Variants in LARGE1 observed in about 807,000 individuals in gnomAD.
LARGE1 encodes the protein xylosyl- and glucuronyltransferase LARGE1.
Under a neutral mutation model 87.6 loss-of-function variants are expected in LARGE1, and 43 were observed. The observed-to-expected ratio is 0.49, with a 90% confidence interval of 0.38 to 0.63. The LOEUF (loss-of-function observed/expected upper bound fraction) is 0.63, where lower values mean the gene tolerates loss of function less well. Among genes scored for constraint, LARGE1 ranks in the 30% least tolerant of loss-of-function variants. The pLI, the probability that LARGE1 is intolerant of heterozygous loss-of-function variation, is 0.00. For missense variants in LARGE1, 802 were observed against 1,000.2 expected (o/e 0.80, Z 2.67); for synonymous variants, 434 against 394.6 (o/e 1.10, Z -1.18).
intron 5 of LARGE1, among the ~76,000 whole-genome samples, chr22:33,572,588 G>T (rs544090236): frequency 6.6e-6 from 1 of 152,204 alleles, no homozygotes; most frequent in Non-Finnish European, 1.5e-5. Flanking sequence ...ATCAGGGCTC[G>T]ATATGAGTGT....
chr22:33,876,692 T>TA (rs2064477778), intron 1 of LARGE1, among the ~76,000 whole-genome samples: 1 of 151,616 alleles, frequency 6.6e-6, no homozygotes, highest in Admixed American at 6.6e-5. Context: ...TTAGGACAAA[T>TA]ACCTAATGCA....
chr22:33,124,751 C>T, the LARGE1 span, among the ~76,000 whole-genome samples: 1 of 152,186 alleles, frequency 6.6e-6, no homozygotes, highest in Admixed American at 6.5e-5. Context: ...CCTGTGATCC[C>T]AGCCCTTTGG....
At chr22:33,802,646 A>G (rs951144859) in intron 1 of LARGE1, among the ~76,000 whole-genome samples, 7 of 152,102 alleles carry the variant, frequency 4.6e-5, no homozygotes, top group Non-Finnish European at 8.8e-5. Context: ...AGTAACTCTT[A>G]TTTGTCACCC....
At chr22:33,096,226 G>A in the LARGE1 span, among the ~76,000 whole-genome samples, 2 of 152,016 alleles carry the variant, frequency 1.3e-5, no homozygotes, top group African/African-American at 4.8e-5. Flanking sequence ...GACCAGCCTG[G>A]CCAACATGGT....
intron 2 of LARGE1, among the ~76,000 whole-genome samples, chr22:33,709,678 T>G (rs1042875121): frequency 8.7e-5 from 13 of 150,258 alleles, no homozygotes; most frequent in East Asian, 3.9e-4. Context: ...CAGGCTGGAG[T>G]GCAGTGGCGC....
intron 2 of LARGE1, among the ~76,000 whole-genome samples, chr22:33,730,079 G>A (rs1332699383): frequency 6.6e-6 from 1 of 152,090 alleles, no homozygotes; most frequent in Non-Finnish European, 1.5e-5. Flanking sequence ...TAAAGTGCAT[G>A]AGTCCACAAA....
intron 6 of LARGE1, among the ~76,000 whole-genome samples, chr22:33,461,778 T>C (rs1213031381): frequency 6.6e-6 from 1 of 152,018 alleles, no homozygotes; most frequent in Non-Finnish European, 1.5e-5. Flanking sequence ...TTACTCTCTT[T>C]GGGAGAAGCC....
At chr22:33,334,438 C>T (rs943104457) in intron 10 of LARGE1, among the ~76,000 whole-genome samples, 9 of 145,154 alleles carry the variant, frequency 6.2e-5, no homozygotes, top group Admixed American at 2.7e-4. Flanking sequence ...AAAAAAAACA[C>T]CAAACAAAAA....
At chr22:33,146,785 T>A in the LARGE1 span, among the ~76,000 whole-genome samples, 1 of 151,974 alleles carries the variant, frequency 6.6e-6, no homozygotes, top group Non-Finnish European at 1.5e-5. Flanking sequence ...AATGCAAAAA[T>A]CTAAAGAGTG....
chr22:33,293,199 T>C (rs552327073), intron 12 of LARGE1, among the ~76,000 whole-genome samples: 3 of 152,352 alleles, frequency 2.0e-5, no homozygotes, highest in African/African-American at 7.2e-5. Context: ...CATATAGGAT[T>C]GGAGAAACTG....
At chr22:33,383,291 G>A (rs934763469) in intron 8 of LARGE1, among the ~76,000 whole-genome samples, 3 of 152,190 alleles carry the variant, frequency 2.0e-5, no homozygotes, top group African/African-American at 7.2e-5. Flanking sequence ...TGGGTGCAGA[G>A]ACTCATGCCT....
intron 1 of LARGE1, among the ~76,000 whole-genome samples, chr22:33,767,357 G>T (rs1487141277): frequency 6.6e-6 from 1 of 151,128 alleles, no homozygotes; most frequent in Non-Finnish European, 1.5e-5. Flanking sequence ...TGATCTCTAT[G>T]TCTTAATTAT....
rs114054025 is a variant in LARGE1, at chr22:33,879,999, T to A, written c.-83+39996A>T. ...TTCTGAATTCTGATGTTCTTCCCCATGGGTGGCTTCTCCACCAATCTGCTT... is the reference window on the plus strand; with the variant it reads ...TTCTGAATTCTGATGTTCTTCCCCAAGGGTGGCTTCTCCACCAATCTGCTT... On this transcript the variant is annotated intron_variant, in intron 1 of 14. Transcript: ENST00000397394. Among the ~76,000 whole-genome samples the A allele has an allele frequency of 9.8e-3, 1,497 of 152,352 alleles. 13 individuals carry two copies. The highest frequency in any genetic ancestry group is 0.048 in the Middle Eastern group (14 of 294).
intron 1 of LARGE1, among the ~76,000 whole-genome samples, chr22:33,872,359 CTATTATTATTAT>C (rs3072360): frequency 0.018 from 2,557 of 142,754 alleles, 27 homozygotes; most frequent in African/African-American, 0.035. Context: ...TAAATGCTAT[CTATTATTATTAT>C]TATTATTATT....
intron 5 of LARGE1, among the ~76,000 whole-genome samples, chr22:33,582,802 T>A (rs1226602072): frequency 2.6e-5 from 4 of 152,194 alleles, no homozygotes; most frequent in Admixed American, 1.3e-4. Context: ...AAATGTTAAC[T>A]TCATTAGGTC....
chr22:33,426,021 C>T (rs971571739), intron 7 of LARGE1, among the ~76,000 whole-genome samples: 4 of 152,154 alleles, frequency 2.6e-5, no homozygotes, highest in African/African-American at 9.7e-5. Flanking sequence ...GCTGGGATTA[C>T]AGGTGTGAGC....
intron 8 of LARGE1, among the ~76,000 whole-genome samples, chr22:33,382,559 C>T (rs550139504): frequency 6.6e-6 from 1 of 152,258 alleles, no homozygotes; most frequent in Non-Finnish European, 1.5e-5. Context: ...TTCTGCAGCC[C>T]ATGGTGCCCA....
intron 3 of LARGE1, among the ~76,000 whole-genome samples, chr22:33,627,801 C>T (rs5999040): frequency 0.069 from 10,576 of 152,246 alleles, 403 homozygotes; most frequent in African/African-American, 0.089. Flanking sequence ...ATTCCCAGTA[C>T]GAGAAACTTG....
chr22:33,182,221 T>C (rs1923208870), intron 11 of LARGE1, among the ~76,000 whole-genome samples: 1 of 152,226 alleles, frequency 6.6e-6, no homozygotes, highest in East Asian at 1.9e-4. Context: ...TTGAAATGTT[T>C]AATATTTGAG....
Sources: allele counts gnomAD v4.1 joint callset (sites outside exome capture counted in the v4.1 genomes callset), GRCh38; gene constraint gnomAD v4.1.1; transcripts MANE v1.5; gene names NCBI Gene and HGNC (gene_info 2026-07-23, HGNC 2026-07-21).